The following PDE4D variants were observed in gnomAD, a reference collection of about 807,000 sequenced individuals.
The protein encoded by PDE4D is phosphodiesterase 4D, also known as 3',5'-cyclic-AMP phosphodiesterase 4D.
PDE4D carries 24 observed loss-of-function variants against 87.4 expected under a neutral mutation model. The observed-to-expected ratio is 0.27, with a 90% CI of 0.20 to 0.39. The LOEUF (loss-of-function observed/expected upper bound fraction) is 0.39, where lower values mean the gene tolerates loss of function less well. PDE4D is among the 10% of genes least tolerant of loss of function. The pLI, the probability that PDE4D is intolerant of heterozygous loss-of-function variation, is 1.00. For missense variants in PDE4D, 714 were observed against 1,041.0 expected, an observed-to-expected ratio of 0.69 and a Z score of 4.32; for synonymous variants, 384 against 383.2, an observed-to-expected ratio of 1.00 and a Z score of -0.02.
chr5:60,300,467 C>A (rs184825802), intron 1 of PDE4D, among the ~76,000 whole-genome samples: 16 of 152,270 alleles, frequency 1.1e-4, no homozygotes, highest in African/African-American at 3.1e-4. Flanking sequence ...ATCATGAAAT[C>A]TTTGCCTGTA....
At chr5:59,346,248 T>A (rs1022756542) in intron 1 of PDE4D, among the ~76,000 whole-genome samples, 29 of 152,208 alleles carry the variant, frequency 1.9e-4, no homozygotes, top group African/African-American at 7.0e-4. Flanking sequence ...AATATTTTGA[T>A]TTTGACCTAG....
At chr5:59,017,622 G>A (rs372622023) in intron 6 of PDE4D, among the ~76,000 whole-genome samples, 3 of 151,948 alleles carry the variant, frequency 2.0e-5, no homozygotes, top group Admixed American at 1.3e-4. Flanking sequence ...TCAAACACTT[G>A]AAAGACATTA....
intron 1 of PDE4D, among the ~76,000 whole-genome samples, chr5:59,784,814 A>G (rs1380536834): frequency 2.0e-5 from 3 of 152,190 alleles, no homozygotes; most frequent in Non-Finnish European, 4.4e-5. Context: ...AGATAATTGA[A>G]TCATGGGGGC....
At chr5:59,014,998 A>C (rs1753681242) in intron 6 of PDE4D, among the ~76,000 whole-genome samples, 1 of 152,198 alleles carries the variant, frequency 6.6e-6, no homozygotes, top group African/African-American at 2.4e-5. Flanking sequence ...TCTTTGACAA[A>C]CCTGACAAAA....
intron 5 of PDE4D, among the ~76,000 whole-genome samples, chr5:59,112,031 T>C (rs1772745625): frequency 6.6e-6 from 1 of 152,166 alleles, no homozygotes; most frequent in Non-Finnish European, 1.5e-5. Context: ...CAAGCACTCA[T>C]ACATACAATA....
At chr5:60,287,954 T>C (rs1752560221) in intron 1 of PDE4D, among the ~76,000 whole-genome samples, 2 of 152,326 alleles carry the variant, frequency 1.3e-5, no homozygotes, top group South Asian at 4.1e-4. Flanking sequence ...CATCCATTTG[T>C]TGGTTCAACA....
chr5:59,381,294 T>C (rs1785790217), intron 1 of PDE4D, among the ~76,000 whole-genome samples: 1 of 152,170 alleles, frequency 6.6e-6, no homozygotes, highest in Non-Finnish European at 1.5e-5. Context: ...ACTTCGATAT[T>C]AATATGATTA....
chr5:59,109,074 T>A (rs1484940431), intron 5 of PDE4D, among the ~76,000 whole-genome samples: 1 of 151,884 alleles, frequency 6.6e-6, no homozygotes, highest in Non-Finnish European at 1.5e-5. Flanking sequence ...CATTCTCATC[T>A]TTTTCTACTC....
intron 2 of PDE4D, among the ~76,000 whole-genome samples, chr5:60,103,632 GA>G (rs1451739824): frequency 6.6e-6 from 1 of 151,876 alleles, no homozygotes; most frequent in Non-Finnish European, 1.5e-5. Flanking sequence ...CAGCTCCATG[GA>G]AAAAAATAAA....
At chr5:59,421,798 T>C (rs1403909124) in intron 1 of PDE4D, among the ~76,000 whole-genome samples, 1 of 152,162 alleles carries the variant, frequency 6.6e-6, no homozygotes, top group Non-Finnish European at 1.5e-5. Context: ...ATGGAATGAA[T>C]TTAATGTTTC....
At chr5:60,492,111 C>T (rs182859414), upstream of PDE4D, among the ~76,000 whole-genome samples, 1,298 of 148,370 alleles carry the variant, frequency 8.7e-3, 17 homozygotes, top group Admixed American at 0.011. Context: ...TACCCTAAAA[C>T]TTAAAGTATA....
chr5:59,817,237 C>T (rs1042848073), intron 1 of PDE4D, among the ~76,000 whole-genome samples: 5 of 152,200 alleles, frequency 3.3e-5, no homozygotes, highest in Admixed American at 2.6e-4. Context: ...CCCTCTCCCT[C>T]ATTTAGATCA....
intron 1 of PDE4D, among the ~76,000 whole-genome samples, chr5:59,788,477 T>A (rs895368094): frequency 8.5e-5 from 13 of 152,222 alleles, no homozygotes; most frequent in Non-Finnish European, 1.9e-4. Context: ...AGTAAAGAGA[T>A]GTTGCATATA....
At chr5:59,815,583 TA>T (rs1203534511) in intron 1 of PDE4D, among the ~76,000 whole-genome samples, 5 of 152,176 alleles carry the variant, frequency 3.3e-5, no homozygotes, top group African/African-American at 1.2e-4. Flanking sequence ...TTAATACATA[TA>T]AAAGAGTTAG....
At chr5:60,166,470 A>T (rs1782909936) in intron 2 of PDE4D, among the ~76,000 whole-genome samples, 1 of 152,218 alleles carries the variant, frequency 6.6e-6, no homozygotes, top group Non-Finnish European at 1.5e-5. Flanking sequence ...TTGGTGTCAC[A>T]ATTTACATCT....
intron 1 of PDE4D, among the ~76,000 whole-genome samples, chr5:60,478,797 A>C (rs1439138558): frequency 6.6e-6 from 1 of 152,232 alleles, no homozygotes; most frequent in African/African-American, 2.4e-5. Flanking sequence ...TCATGCTTGC[A>C]GACTCATACC....
intron 1 of PDE4D, among the ~76,000 whole-genome samples, chr5:60,507,978 G>C (rs1252685667): frequency 6.6e-6 from 1 of 152,224 alleles, no homozygotes. Context: ...CGAGCGCATA[G>C]AGCCTGTATG....
chr5:59,896,283 G>T (rs187881518), upstream of PDE4D, among the ~76,000 whole-genome samples: 1 of 152,116 alleles, frequency 6.6e-6, no homozygotes, highest in African/African-American at 2.4e-5. Flanking sequence ...TATTATTCCT[G>T]CCAGGCTGGG....
chr5:59,135,748 C>T lies in PDE4D; in HGVS notation c.808+44847G>A, dbSNP rs1356448566. Among the ~76,000 whole-genome samples the T allele has an allele frequency of 2.0e-5, 3 of 152,210 alleles. No homozygotes were observed. In the East Asian group the frequency reaches 5.8e-4, roughly 29 times the overall value. On this transcript the variant is annotated intron_variant, in intron 5 of 14. Transcript: ENST00000340635. ...TTTGAACAAAACAGAAAAACCACTG[C>T]CTGAAGATACTGGGCCATGAAATTC...
Sources: gnomAD v4.1 joint callset for allele counts (sites outside exome capture counted in the v4.1 genomes callset) on GRCh38, gnomAD v4.1.1 for gene constraint, MANE v1.5 for transcripts, NCBI Gene and HGNC (gene_info 2026-07-23, HGNC 2026-07-21) for gene names.